Variants in FBXL17 observed in about 807,000 individuals in gnomAD.
FBXL17 encodes the protein F-box/LRR-repeat protein 17.
In FBXL17, 22 loss-of-function variants were observed where a neutral mutation model predicts 66.2. The ratio of observed to expected loss-of-function variants is 0.33; its 90% confidence interval spans 0.24 to 0.47. The LOEUF is 0.47. Among genes scored for constraint, FBXL17 ranks in the 20% least tolerant of loss-of-function variants. The pLI is 1.00. For synonymous variants in FBXL17, 474 were observed against 400.5 expected (o/e 1.18, Z -2.19); for missense variants, 878 against 948.2 (o/e 0.93, Z 0.97).
chr5:107,985,330 T>G (rs552757070), intron 7 of FBXL17, among the ~76,000 whole-genome samples: 1 of 152,352 alleles, frequency 6.6e-6, no homozygotes, highest in East Asian at 1.9e-4. Context: ...CTAAGGATGA[T>G]TAGTCCTTGT....
intron 7 of FBXL17, among the ~76,000 whole-genome samples, chr5:108,001,816 A>G (rs2094192636): frequency 1.3e-5 from 2 of 150,648 alleles, no homozygotes; most frequent in African/African-American, 5.0e-5. Context: ...TTAGTTTCTT[A>G]AGGTTAGTTT....
chr5:108,334,832 G>A (rs773832627), intron 4 of FBXL17, among the ~76,000 whole-genome samples: 1 of 152,106 alleles, frequency 6.6e-6, no homozygotes, highest in East Asian at 1.9e-4. Context: ...GTAAAGGCCC[G>A]CTGTCAAAGA....
chr5:108,167,057 GATC>G (rs1752440550), intron 6 of FBXL17, among the ~76,000 whole-genome samples: 1 of 152,196 alleles, frequency 6.6e-6, no homozygotes, highest in Admixed American at 6.5e-5. Context: ...TATAAGTAGA[GATC>G]ATTGTGTTTT....
chr5:108,058,061 T>A (rs1003589555), intron 6 of FBXL17, among the ~76,000 whole-genome samples: 3 of 152,180 alleles, frequency 2.0e-5, no homozygotes, highest in African/African-American at 7.2e-5. Context: ...AGTTACTAGA[T>A]TCCTAATTCT....
At chr5:107,953,157 C>T (rs536483014) in intron 7 of FBXL17, among the ~76,000 whole-genome samples, 51 of 152,096 alleles carry the variant, frequency 3.4e-4, no homozygotes, top group South Asian at 8.3e-4. Context: ...AATCCCAGCA[C>T]TTTGGGACGC....
intron 6 of FBXL17, among the ~76,000 whole-genome samples, chr5:108,127,577 AAGAGAGTGCTT>A (rs1253566150): frequency 6.6e-6 from 1 of 152,102 alleles, no homozygotes; most frequent in Admixed American, 6.6e-5. Context: ...ATGATGAGAA[AAGAGAGTGCTT>A]AGGACATGGA....
chr5:108,028,306 G>A (rs181706060), intron 6 of FBXL17, among the ~76,000 whole-genome samples: 7 of 152,162 alleles, frequency 4.6e-5, no homozygotes, highest in Middle Eastern at 3.4e-3. Context: ...AAAGGATACC[G>A]TGAAATTTAG....
At chr5:108,234,643 T>TACC (rs1755516045) in intron 4 of FBXL17, among the ~76,000 whole-genome samples, 1 of 152,196 alleles carries the variant, frequency 6.6e-6, no homozygotes, top group Non-Finnish European at 1.5e-5. Flanking sequence ...AGAGAAGTGT[T>TACC]ACCACTTGAT....
chr5:107,868,810 CA>C (rs773145354), intron 8 of FBXL17, among the ~76,000 whole-genome samples: 224 of 152,286 alleles, frequency 1.5e-3, no homozygotes, highest in Non-Finnish European at 2.8e-3. Flanking sequence ...TTCTGAAGGA[CA>C]AAGAGGTGTC....
At chr5:108,133,616 A>G (rs1751019534) in intron 6 of FBXL17, among the ~76,000 whole-genome samples, 1 of 152,126 alleles carries the variant, frequency 6.6e-6, no homozygotes, top group African/African-American at 2.4e-5. Context: ...ATCTGCTGGA[A>G]GAGAGAAAGA....
intron 7 of FBXL17, among the ~76,000 whole-genome samples, chr5:107,886,884 T>C (rs1748987227): frequency 6.7e-6 from 1 of 148,988 alleles, no homozygotes; most frequent in Non-Finnish European, 1.5e-5. Flanking sequence ...ATTTCACTAG[T>C]CCTCATCAAA....
intron 7 of FBXL17, among the ~76,000 whole-genome samples, chr5:107,935,570 GC>G (rs1454883720): frequency 1.3e-5 from 2 of 152,066 alleles, no homozygotes; most frequent in Non-Finnish European, 2.9e-5. Context: ...TTCAAGGTTT[GC>G]CTTCAAAACA....
chr5:107,937,203 C>A (rs570978992), intron 7 of FBXL17, among the ~76,000 whole-genome samples: 1 of 152,096 alleles, frequency 6.6e-6, no homozygotes, highest in African/African-American at 2.4e-5. Context: ...ATATATTATA[C>A]AACGTATGTG....
At chr5:107,867,067 T>C (rs1000027787) in intron 8 of FBXL17, among the ~76,000 whole-genome samples, 1 of 152,176 alleles carries the variant, frequency 6.6e-6, no homozygotes, top group Non-Finnish European at 1.5e-5. Context: ...CAAATAGTAC[T>C]GTACCAGAAA....
intron 6 of FBXL17, among the ~76,000 whole-genome samples, chr5:108,143,392 T>C (rs927970827): frequency 1.3e-5 from 2 of 150,910 alleles, no homozygotes; most frequent in Non-Finnish European, 1.5e-5. Flanking sequence ...AATAACATGC[T>C]ATTAATGTAT....
At chr5:108,241,534 T>C (rs773178822) in intron 4 of FBXL17, among the ~76,000 whole-genome samples, 10 of 152,076 alleles carry the variant, frequency 6.6e-5, no homozygotes, top group South Asian at 2.1e-4. Context: ...CTAAGAGCTA[T>C]TGCCTTTAAA....
At chr5:108,231,502 T>C (rs779943233) in intron 4 of FBXL17, among the ~76,000 whole-genome samples, 9 of 152,142 alleles carry the variant, frequency 5.9e-5, no homozygotes, top group Admixed American at 1.3e-4. Flanking sequence ...TCAGGAGTTG[T>C]GGAAGTGGCA....
At chr5:107,987,195 T>A (rs1753046614) in intron 7 of FBXL17, among the ~76,000 whole-genome samples, 1 of 151,986 alleles carries the variant, frequency 6.6e-6, no homozygotes, top group Non-Finnish European at 1.5e-5. Context: ...CCTTTGATTA[T>A]TTTTTAAAAG....
At chr5:108,100,839 G>C (rs1749571596) in intron 6 of FBXL17, among the ~76,000 whole-genome samples, 1 of 152,082 alleles carries the variant, frequency 6.6e-6, no homozygotes, top group Non-Finnish European at 1.5e-5. Context: ...TTTCAAGGGG[G>C]AACTGCCCAT....
Sources: gnomAD v4.1 joint callset for allele counts (sites outside exome capture counted in the v4.1 genomes callset) on GRCh38, gnomAD v4.1.1 for gene constraint, MANE v1.5 for transcripts, NCBI Gene and HGNC (gene_info 2026-07-23, HGNC 2026-07-21) for gene names.